Variants in MTUS1 observed in about 807,000 individuals in gnomAD.
MTUS1 encodes the protein microtubule associated scaffold protein 1, also known as microtubule-associated tumor suppressor 1.
Under a neutral mutation model 120.8 loss-of-function variants are expected in MTUS1, and 109 were observed. The ratio of observed to expected loss-of-function variants is 0.90; its 90% CI spans 0.77 to 1.06. MTUS1 has a LOEUF of 1.06. MTUS1 is among the 50% of genes least tolerant of loss of function. The pLI, the probability that MTUS1 is intolerant of heterozygous loss-of-function variation, is 0.00. For synonymous variants in MTUS1, 737 were observed against 550.5 expected (o/e 1.34, Z -4.74); for missense variants, 2,210 against 1,486.3 (o/e 1.49, Z -8.01).
chr8:17,767,771 G>T (rs903054148), intron 1 of MTUS1, among the ~76,000 whole-genome samples: 1 of 151,540 alleles, frequency 6.6e-6, no homozygotes, highest in East Asian at 1.9e-4. Flanking sequence ...GGGGGTTGGG[G>T]AACATGAAGA....
At chr8:17,743,846 G>A in intron 2 of MTUS1, 47 bp from the exon 3 acceptor site, 1 of 1,542,634 alleles carries the variant, frequency 6.5e-7, no homozygotes, top group South Asian at 1.2e-5. Context: ...AAAATTCTAA[G>A]CCCCCCAACT....
rs561435179 is a variant in MTUS1 at position 17,744,748 on chromosome 8, G to A, written c.2092-949C>T. The stretch of plus-strand genomic sequence containing the variant: ...TTTAGTAGAGATGAGGTTTCGCCAT[G>A]TTGGTCAGGCTGGTCTCAAACTCCA... On this transcript the variant is annotated intron_variant, in intron 2 of 14. Transcript: ENST00000693296. Among the ~76,000 whole-genome samples, 12 of 125,252 alleles carry A rather than the reference G, an allele frequency of 9.6e-5. No individual in the cohort carries two copies. The South Asian group carries it at 2.6e-3, about 27-fold the overall frequency. 82.2% of individuals were successfully genotyped at this position (125,252 alleles called of 152,430 possible). A position where few individuals can be genotyped will look rare whatever the true frequency, so the allele number is the denominator to read the frequency against.
At chr8:17,653,106 G>A (rs183655940) in intron 12 of MTUS1, 80 bp downstream of exon 12, 10,912 of 758,772 alleles carry the variant, frequency 0.014, 145 homozygotes, top group South Asian at 0.016. Flanking sequence ...TTATTTCTCT[G>A]GCTGCTGAGT....
At chr8:17,709,076 G>C (rs947456427) in intron 6 of MTUS1, 4 of 151,780 alleles carry the variant, frequency 2.6e-5, no homozygotes, top group Admixed American at 6.6e-5. Flanking sequence ...GGCAGAGCTT[G>C]CAGTGAGCAG....
intron 6 of MTUS1, among the ~76,000 whole-genome samples, chr8:17,709,354 C>A (rs1820809656): frequency 6.6e-6 from 1 of 152,078 alleles, no homozygotes; most frequent in Admixed American, 6.6e-5. Context: ...TCAATCCGGA[C>A]CTCTCTTCTA....
At chr8:17,747,229 A>T (rs920200116) in intron 2 of MTUS1, among the ~76,000 whole-genome samples, 1 of 144,804 alleles carries the variant, frequency 6.9e-6, no homozygotes, top group Admixed American at 6.8e-5. Flanking sequence ...AGCTCCCACC[A>T]CACCTACCTA....
At chr8:17,674,429 G>A (rs958954412) in intron 8 of MTUS1, 2 of 968,098 alleles carry the variant, frequency 2.1e-6, no homozygotes, top group Non-Finnish European at 2.5e-6. Context: ...AAAAAAAAAA[G>A]AAAAAGAAAC....
chr8:17,688,826 A>T (rs1258155709), intron 6 of MTUS1, among the ~76,000 whole-genome samples: 7 of 152,220 alleles, frequency 4.6e-5, no homozygotes, highest in Admixed American at 4.6e-4. Context: ...TTCTATTTAC[A>T]TATAATATTT....
intron 12 of MTUS1, among the ~76,000 whole-genome samples, chr8:17,650,273 G>A (rs921065339): frequency 6.6e-6 from 1 of 152,188 alleles, no homozygotes; most frequent in African/African-American, 2.4e-5. Context: ...CTGGAGATGA[G>A]GCAATCTGTG....
At chr8:17,739,513 AAATT>A (rs1273259047) in intron 3 of MTUS1, among the ~76,000 whole-genome samples, 3 of 151,590 alleles carry the variant, frequency 2.0e-5, no homozygotes, top group African/African-American at 4.9e-5. Flanking sequence ...ATAAATAAAT[AAATT>A]AATAAATCAA....
At chr8:17,797,602 G>A (rs1360063682) in intron 1 of MTUS1, among the ~76,000 whole-genome samples, 1 of 151,990 alleles carries the variant, frequency 6.6e-6, no homozygotes. Flanking sequence ...CTGTGGGTGG[G>A]ATCGCTCATC....
At chr8:17,697,606 T>C (rs931360171) in intron 6 of MTUS1, 5 of 1,302,498 alleles carry the variant, frequency 3.8e-6, no homozygotes, top group Non-Finnish European at 4.9e-6. Context: ...AAAATGATGC[T>C]CTTCCTCTGA....
intron 6 of MTUS1, among the ~76,000 whole-genome samples, chr8:17,701,507 G>C (rs1309060127): frequency 2.6e-5 from 4 of 152,052 alleles, no homozygotes; most frequent in Non-Finnish European, 4.4e-5. Context: ...TTTAATTCAT[G>C]TACAATGTTT....
chr8:17,788,872 G>C (rs1401222445), intron 1 of MTUS1, among the ~76,000 whole-genome samples: 2 of 152,140 alleles, frequency 1.3e-5, no homozygotes, highest in African/African-American at 4.8e-5. Context: ...TTTCAGGATA[G>C]TACTGGGTCC....
At chr8:17,654,430 C>T (rs1320209485) in intron 10 of MTUS1, 131 bp downstream of exon 10, 4 of 656,842 alleles carry the variant, frequency 6.1e-6, no homozygotes, top group African/African-American at 1.8e-5. Context: ...CAAAAAGGAA[C>T]CAAGAACACC....
chr8:17,646,434 A>G (rs1448165242), intron 14 of MTUS1, among the ~76,000 whole-genome samples: 2 of 152,038 alleles, frequency 1.3e-5, no homozygotes, highest in African/African-American at 4.8e-5. Context: ...TTAAAAATAC[A>G]AAAATTAGTC....
At chr8:17,726,047 C>G (rs376648070) in intron 3 of MTUS1, among the ~76,000 whole-genome samples, 1 of 152,186 alleles carries the variant, frequency 6.6e-6, no homozygotes, top group East Asian at 1.9e-4. Context: ...TCTCTCCAGT[C>G]ATTTCGCTCT....
intron 4 of MTUS1, chr8:17,722,200 TAGG>T (rs2045897402): frequency 9.7e-7 from 1 of 1,033,858 alleles, no homozygotes; most frequent in East Asian, 8.3e-5. Context: ...ACAGCCTCCT[TAGG>T]AGCATCAGAC....
rs759312028 is a variant in MTUS1 at position 17,656,246 on chromosome 8, G to T, written c.2906-181C>A. On this transcript the variant is annotated intron_variant, in intron 8 of 14. Coordinates refer to ENST00000693296, the MANE Select transcript of MTUS1 (RefSeq NM_001363059.2). ...AGTGAACTGTAAAAAGGAACACGAGGGCAGGGCGCAGTGGCTCACACCTGT... is the reference window on the plus strand; with the variant it reads ...AGTGAACTGTAAAAAGGAACACGAGTGCAGGGCGCAGTGGCTCACACCTGT... Among the ~76,000 whole-genome samples the T allele has an allele frequency of 3.3e-5, 5 of 152,210 alleles. No individual in the cohort carries two copies. The East Asian group carries it at 9.6e-4, about 29-fold the overall frequency.
Sources: gnomAD v4.1 joint callset for allele counts (sites outside exome capture counted in the v4.1 genomes callset) on GRCh38, gnomAD v4.1.1 for gene constraint, MANE v1.5 for transcripts, NCBI Gene and HGNC (gene_info 2026-07-23, HGNC 2026-07-21) for gene names.